GALNT2: variants seen among roughly 807,000 people sequenced by gnomAD.
GALNT2 encodes the protein UDP-GalNAc:polypeptide N-acetylgalactosaminyltransferase 2.
In GALNT2, 31 loss-of-function variants were observed where a neutral mutation model predicts 81.4. The ratio of observed to expected loss-of-function variants is 0.38; its 90% CI spans 0.29 to 0.51. GALNT2 has a LOEUF of 0.51. GALNT2 is among the 20% of genes least tolerant of loss of function. The pLI is 0.87. For missense variants in GALNT2, 629 were observed against 765.7 expected, an observed-to-expected ratio of 0.82 and a Z score of 2.11; for synonymous variants, 303 against 287.4, an observed-to-expected ratio of 1.05 and a Z score of -0.55.
chr1:230,146,299 G>A (rs562685312), intron 1 of GALNT2, among the ~76,000 whole-genome samples: 2 of 152,206 alleles, frequency 1.3e-5, no homozygotes, highest in African/African-American at 2.4e-5. Context: ...CCCGCACCAG[G>A]TCTGAGAACT....
intron 1 of GALNT2, among the ~76,000 whole-genome samples, chr1:230,144,908 A>T (rs1041825744): frequency 7.9e-5 from 12 of 152,040 alleles, no homozygotes; most frequent in Non-Finnish European, 1.3e-4. Flanking sequence ...TGTGGGAAGG[A>T]TGAGTTTATC....
chr1:230,153,597 C>T (rs761578628), intron 1 of GALNT2, among the ~76,000 whole-genome samples: 12 of 152,216 alleles, frequency 7.9e-5, no homozygotes, highest in Non-Finnish European at 1.5e-4. Flanking sequence ...TCTGAGGACG[C>T]CTTCCAGATT....
chr1:230,081,388 A>C (rs1473800726), intron 1 of GALNT2, among the ~76,000 whole-genome samples: 1 of 152,208 alleles, frequency 6.6e-6, no homozygotes, highest in African/African-American at 2.4e-5. Flanking sequence ...TTGAAAAATT[A>C]TACCGAGATA....
chr1:230,266,359 A>G (rs1316207545), intron 14 of GALNT2, among the ~76,000 whole-genome samples: 1 of 152,204 alleles, frequency 6.6e-6, no homozygotes, highest in Non-Finnish European at 1.5e-5. Flanking sequence ...TGTGAGCTTC[A>G]TGCACCAAAG....
intron 1 of GALNT2, among the ~76,000 whole-genome samples, chr1:230,111,713 C>G (rs1461327594): frequency 6.6e-6 from 1 of 152,156 alleles, no homozygotes; most frequent in African/African-American, 2.4e-5. Context: ...GAAACCAAAG[C>G]TTCTTAAAAT....
At chr1:230,161,833 T>A (rs1056515589) in intron 1 of GALNT2, among the ~76,000 whole-genome samples, 1 of 152,234 alleles carries the variant, frequency 6.6e-6, no homozygotes, top group East Asian at 1.9e-4. Context: ...TTCTATTACT[T>A]ATTTTACTTC....
At chr1:230,083,090 G>C (rs528524695) in intron 1 of GALNT2, among the ~76,000 whole-genome samples, 23 of 147,284 alleles carry the variant, frequency 1.6e-4, no homozygotes, top group East Asian at 6.4e-4. Flanking sequence ...GAGCAGGGAA[G>C]CCGGGATGAT....
chr1:230,210,075 G>A (rs1449061404), intron 3 of GALNT2, among the ~76,000 whole-genome samples: 2 of 152,164 alleles, frequency 1.3e-5, no homozygotes, highest in South Asian at 2.1e-4. Flanking sequence ...AGAGTGTGCT[G>A]CGCTTAGGAA....
In GALNT2 at chr1:230,127,383, A is replaced by AT. The variant is rs527920710; in HGVS notation, c.127-50824dup. 5.8e-4 allele frequency among the ~76,000 whole-genome samples: 87 copies of AT among 148,744 alleles called. No individual in the cohort carries two copies. The South Asian group carries it at 9.0e-3, about 15-fold the overall frequency. On this transcript the variant is annotated intron_variant, in intron 1 of 15. Transcript: ENST00000366672. ...TTGATTTCAAATTCATTATGAATAGATTTTTTTTTTTGAGTTGGAGTATCG... is the reference window on the plus strand; with the variant it reads ...TTGATTTCAAATTCATTATGAATAGATTTTTTTTTTTTGAGTTGGAGTATCG...
At chr1:230,145,009 A>C (rs1661869059) in intron 1 of GALNT2, among the ~76,000 whole-genome samples, 1 of 152,120 alleles carries the variant, frequency 6.6e-6, no homozygotes, top group African/African-American at 2.4e-5. Flanking sequence ...CTACAAACCA[A>C]GCAAGGTGAG....
intron 13 of GALNT2, chr1:230,264,972 CAAAAAAAAAAA>C (rs67239229): frequency 1.0e-4 from 17 of 170,838 alleles, no homozygotes; most frequent in Admixed American, 2.5e-4. Context: ...CCTTCCTTTC[CAAAAAAAAAAA>C]AAAAAAAAAA....
chr1:230,191,533 T>G (rs1663524535), intron 2 of GALNT2, among the ~76,000 whole-genome samples: 1 of 152,260 alleles, frequency 6.6e-6, no homozygotes, highest in Admixed American at 6.5e-5. Context: ...GTTGTTGTTT[T>G]GAGACAGGGT....
At chr1:230,186,035 C>CT (rs1423666386) in intron 2 of GALNT2, among the ~76,000 whole-genome samples, 11 of 152,224 alleles carry the variant, frequency 7.2e-5, no homozygotes, top group Non-Finnish European at 1.6e-4. Flanking sequence ...AGGCAGATCT[C>CT]TAAGAAGTGC....
intron 1 of GALNT2, among the ~76,000 whole-genome samples, chr1:230,127,532 T>C (rs1418620719): frequency 1.1e-4 from 16 of 150,696 alleles, no homozygotes; most frequent in East Asian, 5.8e-4. Context: ...TGCGGCACCA[T>C]GCGCAGCTAA....
chr1:230,103,001 T>G (rs1024611121), intron 1 of GALNT2, among the ~76,000 whole-genome samples: 2 of 152,218 alleles, frequency 1.3e-5, no homozygotes, highest in Non-Finnish European at 2.9e-5. Flanking sequence ...ATATTGAGGT[T>G]AAGCCCGAGG....
chr1:230,145,404 C>T (rs1661884531), intron 1 of GALNT2, among the ~76,000 whole-genome samples: 1 of 152,214 alleles, frequency 6.6e-6, no homozygotes, highest in Admixed American at 6.5e-5. Flanking sequence ...CCTGTCTTCC[C>T]CCAAGGGAAG....
chr1:230,109,240 C>A (rs1200305201), intron 1 of GALNT2, among the ~76,000 whole-genome samples: 1 of 152,164 alleles, frequency 6.6e-6, no homozygotes, highest in Admixed American at 6.5e-5. Context: ...GTGGTCCTTG[C>A]CTTTGCAGGT....
At chr1:230,168,705 G>A (rs529882738) in intron 1 of GALNT2, among the ~76,000 whole-genome samples, 76 of 152,088 alleles carry the variant, frequency 5.0e-4, no homozygotes, top group African/African-American at 1.8e-3. Context: ...TTTTTTTCTA[G>A]AACAGTTTTA....
chr1:230,206,570 A>G (rs1298488158), intron 3 of GALNT2, among the ~76,000 whole-genome samples: 3 of 152,178 alleles, frequency 2.0e-5, no homozygotes, highest in Non-Finnish European at 4.4e-5. Context: ...AGATTGGGTT[A>G]CCTCTTTGAA....
Sources: gnomAD v4.1 joint callset for allele counts (sites outside exome capture counted in the v4.1 genomes callset) on GRCh38, gnomAD v4.1.1 for gene constraint, MANE v1.5 for transcripts, NCBI Gene and HGNC (gene_info 2026-07-23, HGNC 2026-07-21) for gene names.